EYS: variants seen among roughly 807,000 people sequenced by gnomAD.
EYS encodes the protein protein eyes shut homolog.
Under a neutral mutation model 282.1 loss-of-function variants are expected in EYS, and 250 were observed. The observed-to-expected ratio is 0.89, with a 90% CI of 0.80 to 0.98. The LOEUF (loss-of-function observed/expected upper bound fraction) is 0.98. Ranked by LOEUF, EYS falls within the 50% of genes least tolerant of loss-of-function variation. The probability of loss-of-function intolerance (pLI) is 0.00; values close to 1 mark genes in which losing one functional copy is unlikely to be tolerated. For synonymous variants in EYS, 1,355 were observed against 1,282.9 expected (o/e 1.06, Z -1.20); for missense variants, 4,016 against 3,709.0 (o/e 1.08, Z -2.15).
At chr6:64,246,821 G>C (rs1413595737) in intron 30 of EYS, among the ~76,000 whole-genome samples, 3 of 152,132 alleles carry the variant, frequency 2.0e-5, no homozygotes, top group African/African-American at 7.2e-5. Context: ...GAACTCTATA[G>C]TATGGGTCCT....
At chr6:63,962,270 A>C (rs930542684) in intron 35 of EYS, among the ~76,000 whole-genome samples, 4 of 152,204 alleles carry the variant, frequency 2.6e-5, no homozygotes, top group African/African-American at 9.6e-5. Context: ...GGATCTAATT[A>C]AACTAAAGAG....
At chr6:65,382,418 A>G (rs1235859862) in intron 8 of EYS, among the ~76,000 whole-genome samples, 3 of 139,118 alleles carry the variant, frequency 2.2e-5, no homozygotes, top group Non-Finnish European at 4.8e-5. Context: ...AATTCAACAG[A>G]AATTTCCCCG....
intron 30 of EYS, among the ~76,000 whole-genome samples, chr6:64,247,878 T>A (rs1439791093): frequency 6.6e-6 from 1 of 152,190 alleles, no homozygotes; most frequent in East Asian, 1.9e-4. Flanking sequence ...AGTTTGAGCT[T>A]TGAACTAAAA....
chr6:65,475,148 C>CAT (rs142700800), intron 5 of EYS, among the ~76,000 whole-genome samples: 28,147 of 151,162 alleles, frequency 0.19, 3,182 homozygotes, highest in Middle Eastern at 0.29. Context: ...GTTCAACTGT[C>CAT]ATATATATAT....
intron 22 of EYS, among the ~76,000 whole-genome samples, chr6:64,780,408 TCAGAAA>T (rs1056836802): frequency 6.6e-6 from 1 of 151,982 alleles, no homozygotes; most frequent in Non-Finnish European, 1.5e-5. Context: ...ACGAAATAAC[TCAGAAA>T]CAGAAAATCA....
chr6:64,233,631 ATCTG>A (rs1375069447), intron 30 of EYS, among the ~76,000 whole-genome samples: 2 of 152,336 alleles, frequency 1.3e-5, no homozygotes, highest in African/African-American at 4.8e-5. Flanking sequence ...AAGTGTGAAA[ATCTG>A]TCTGATCGTT....
intron 2 of EYS, among the ~76,000 whole-genome samples, chr6:65,616,176 C>A (rs960224098): frequency 6.6e-6 from 1 of 152,020 alleles, no homozygotes; most frequent in African/African-American, 2.4e-5. Context: ...TTTTATTCCA[C>A]ATGTTTTACT....
intron 12 of EYS, among the ~76,000 whole-genome samples, chr6:65,142,479 AAC>A (rs71268364): frequency 0.18 from 23,600 of 134,814 alleles, 2,194 homozygotes; most frequent in Non-Finnish European, 0.23. Flanking sequence ...AGAAATACAA[AAC>A]ACACACACAC....
rs920132590 is a variant in EYS, at chr6:64,125,785, C to CAAAA, written c.6425-43787_6425-43784dup. Among the ~76,000 whole-genome samples the CAAAA allele has an allele frequency of 5.8e-4, 29 of 49,992 alleles. 1 individual carries two copies. Among genetic ancestry groups the CAAAA allele is most frequent in the African/African-American group, 1.5e-3 (24 of 15,802 alleles). 32.8% of individuals were successfully genotyped at this position (49,992 alleles called of 152,430 possible). ...TGGGCGACAGAGCAAGACTCCGTCT[C>CAAAA]AAAAAAAAAAAAAAAAAAAAAAAAG... is the stretch of plus-strand genomic sequence containing the variant. On this transcript the variant is annotated intron_variant, in intron 31 of 42. Transcript: ENST00000503581.
chr6:65,641,307 GC>G (rs1313036475), intron 1 of EYS, among the ~76,000 whole-genome samples: 7 of 152,178 alleles, frequency 4.6e-5, no homozygotes, highest in African/African-American at 1.7e-4. Flanking sequence ...TCACCTGCTA[GC>G]CCTATTGACC....
At chr6:63,968,247 T>G (rs1397998636) in intron 35 of EYS, among the ~76,000 whole-genome samples, 1 of 152,236 alleles carries the variant, frequency 6.6e-6, no homozygotes, top group African/African-American at 2.4e-5. Context: ...AAATTATTAG[T>G]GCACATTATT....
intron 19 of EYS, among the ~76,000 whole-genome samples, chr6:64,867,863 T>C (rs1186129287): frequency 6.6e-6 from 1 of 151,720 alleles, no homozygotes; most frequent in Admixed American, 6.6e-5. Context: ...CCTGGTCTTT[T>C]ATCTTCAATC....
At chr6:64,392,782 C>T (rs1773202113) in intron 28 of EYS, among the ~76,000 whole-genome samples, 1 of 150,514 alleles carries the variant, frequency 6.6e-6, no homozygotes, top group South Asian at 2.1e-4. Flanking sequence ...AAAATCAGAG[C>T]AGAACTGAAG....
intron 26 of EYS, among the ~76,000 whole-genome samples, chr6:64,548,673 TGTTGTGGG>T (rs1764962148): frequency 6.6e-6 from 1 of 151,630 alleles, no homozygotes; most frequent in Admixed American, 6.6e-5. Context: ...CACTGGGGCC[TGTTGTGGG>T]GTGTGGGGAG....
intron 30 of EYS, among the ~76,000 whole-genome samples, chr6:64,238,475 T>C (rs1298776779): frequency 1.3e-5 from 2 of 152,188 alleles, no homozygotes; most frequent in African/African-American, 4.8e-5. Context: ...TCTGGGATTT[T>C]AATGTACCCC....
At chr6:64,711,330 A>T (rs902276340) in intron 22 of EYS, among the ~76,000 whole-genome samples, 1 of 152,098 alleles carries the variant, frequency 6.6e-6, no homozygotes, top group African/African-American at 2.4e-5. Flanking sequence ...TGTGTTTTAA[A>T]CTCCCTGTTT....
chr6:65,337,178 A>G (rs986496889), intron 10 of EYS, among the ~76,000 whole-genome samples: 2 of 151,516 alleles, frequency 1.3e-5, no homozygotes, highest in South Asian at 2.1e-4. Context: ...CACTTTCTAC[A>G]TAGAGCTCAA....
intron 12 of EYS, among the ~76,000 whole-genome samples, chr6:65,258,100 C>T (rs1433746891): frequency 5.3e-5 from 8 of 151,800 alleles, no homozygotes; most frequent in East Asian, 3.9e-4. Context: ...CAAAACATTA[C>T]GTGTACCCTG....
chr6:64,152,173 T>C (rs117278150), intron 31 of EYS, among the ~76,000 whole-genome samples: 2,944 of 152,258 alleles, frequency 0.019, 245 homozygotes, highest in Admixed American at 0.14. Flanking sequence ...AAAATACATA[T>C]GCAACTTTAG....
Sources: allele counts gnomAD v4.1 joint callset (sites outside exome capture counted in the v4.1 genomes callset), GRCh38; gene constraint gnomAD v4.1.1; transcripts MANE v1.5; gene names NCBI Gene and HGNC (gene_info 2026-07-23, HGNC 2026-07-21).